Variants in CAMK2A observed in about 807,000 individuals in gnomAD.
CAMK2A encodes calcium/calmodulin-dependent protein kinase type II subunit alpha.
In CAMK2A, 7 loss-of-function variants were observed where a neutral mutation model predicts 79.2. The ratio of observed to expected loss-of-function variants is 0.09; its 90% CI spans 0.05 to 0.17. The LOEUF (loss-of-function observed/expected upper bound fraction) is 0.17. CAMK2A is among the 10% of genes least tolerant of loss of function. The pLI, the probability that CAMK2A is intolerant of heterozygous loss-of-function variation, is 1.00. For synonymous variants in CAMK2A, 242 were observed against 251.7 expected (o/e 0.96, Z 0.36); for missense variants, 214 against 646.4 (o/e 0.33, Z 7.25).
chr5:150,230,948 C>T (rs1353940973), intron 16 of CAMK2A, among the ~76,000 whole-genome samples: 1 of 152,160 alleles, frequency 6.6e-6, no homozygotes, highest in African/African-American at 2.4e-5. Context: ...GGGAACGTGC[C>T]TCCCTTCCCA....
intron 1 of CAMK2A, among the ~76,000 whole-genome samples, chr5:150,286,329 T>C (rs1757425468): frequency 6.6e-6 from 1 of 152,216 alleles, no homozygotes; most frequent in Admixed American, 6.5e-5. Flanking sequence ...CCAGTAGCCC[T>C]GCCTGGGGCC....
At chr5:150,287,088 C>A (rs73268764) in intron 1 of CAMK2A, among the ~76,000 whole-genome samples, 1 of 152,074 alleles carries the variant, frequency 6.6e-6, no homozygotes, top group African/African-American at 2.4e-5. Context: ...CTCCCTGCAC[C>A]ACTGGATGCT....
chr5:150,264,924 C>T (rs1756447343), intron 3 of CAMK2A, 32 bp downstream of exon 3: 1 of 1,594,040 alleles, frequency 6.3e-7, no homozygotes, highest in Non-Finnish European at 8.6e-7. Flanking sequence ...GGGCCTGGCT[C>T]CCCTGCGCCC....
At chr5:150,273,946 C>T (rs1045223780) in intron 1 of CAMK2A, among the ~76,000 whole-genome samples, 6 of 152,186 alleles carry the variant, frequency 3.9e-5, no homozygotes, top group African/African-American at 1.2e-4. Context: ...ATTTCCAGAA[C>T]TTATGTTATC....
intron 3 of CAMK2A, among the ~76,000 whole-genome samples, chr5:150,259,871 A>G (rs1756227585): frequency 6.6e-6 from 1 of 152,160 alleles, no homozygotes; most frequent in African/African-American, 2.4e-5. Flanking sequence ...CGGGAGGCTG[A>G]GGCAGGAGAA....
At chr5:150,251,323 G>T (rs182261581) in intron 9 of CAMK2A, among the ~76,000 whole-genome samples, 12 of 152,342 alleles carry the variant, frequency 7.9e-5, no homozygotes, top group Admixed American at 3.9e-4. Context: ...TTTCTTAGCT[G>T]TGTGATCTAG....
chr5:150,280,270 A>G (rs1757153045), intron 1 of CAMK2A, among the ~76,000 whole-genome samples: 1 of 152,112 alleles, frequency 6.6e-6, no homozygotes, highest in East Asian at 1.9e-4. Flanking sequence ...GGGGACAGCA[A>G]TCACCCAACA....
chr5:150,258,569 T>G (rs1756162758), intron 3 of CAMK2A, among the ~76,000 whole-genome samples: 1 of 152,220 alleles, frequency 6.6e-6, no homozygotes, highest in Non-Finnish European at 1.5e-5. Flanking sequence ...TTTTAAAGGA[T>G]GTATTTAAGT....
chr5:150,262,160 C>A (rs189078639), intron 3 of CAMK2A, among the ~76,000 whole-genome samples: 11 of 152,272 alleles, frequency 7.2e-5, no homozygotes, highest in Admixed American at 3.3e-4. Context: ...GCCTCACTGA[C>A]CTGGTCCCCT....
Position 150,250,763 on chromosome 5 carries a change from C to T in CAMK2A, c.741G>A (p.Leu247=). The T allele has an allele frequency of 6.2e-7, 1 of 1,614,088 alleles. No individual in the cohort carries two copies. The highest frequency in any genetic ancestry group is 8.5e-7 in the Non-Finnish European group (1 of 1,179,976). Reference sequence around the variant, plus strand: ...GGTTAATGGTCAGCATCTTATTGATCAGATCCTTGGCTTCCGGGGTGACAG... The same window carrying T: ...GGTTAATGGTCAGCATCTTATTGATTAGATCCTTGGCTTCCGGGGTGACAG... The part of the protein sequence containing the change: ...WDTVTPEAKD[L]INKMLTINPS... Residue 247 remains leucine (L), a synonymous_variant, in exon 10 of 19, where the codon CTG becomes CTA. Coordinates refer to ENST00000671881, the MANE Select transcript of CAMK2A (RefSeq NM_015981.4).
chr5:150,254,987 C>T (rs919483124), intron 6 of CAMK2A, among the ~76,000 whole-genome samples: 7 of 152,200 alleles, frequency 4.6e-5, no homozygotes, highest in Admixed American at 1.3e-4. Flanking sequence ...TCTGACCTTT[C>T]ACTGTCTAAA....
intron 15 of CAMK2A, among the ~76,000 whole-genome samples, chr5:150,232,153 A>G (rs1238049590): frequency 6.6e-6 from 1 of 152,228 alleles, no homozygotes; most frequent in East Asian, 1.9e-4. Context: ...CCAAATACAT[A>G]GTGAGCAGAA....
intron 1 of CAMK2A, among the ~76,000 whole-genome samples, chr5:150,275,317 CT>C: frequency 6.6e-6 from 1 of 152,156 alleles, no homozygotes; most frequent in Non-Finnish European, 1.5e-5. Context: ...CAGAGCACCC[CT>C]GCTTAGAAAA....
rs559980274 is a variant in CAMK2A, at chr5:150,247,750, A to C, written c.943+22T>G. On this transcript the variant is annotated intron_variant, in intron 12 of 18. Coordinates refer to ENST00000671881, the MANE Select transcript of CAMK2A (RefSeq NM_015981.4). ...CGAACTGGTGCAGGGCTTACTGGGGACCCTGAGGTCCTGCCACCTACCGGA... is the reference window on the plus strand; with the variant it reads ...CGAACTGGTGCAGGGCTTACTGGGGCCCCTGAGGTCCTGCCACCTACCGGA... The C allele has an allele frequency of 8.7e-5, 139 of 1,602,552 alleles. 2 individuals carry two copies. In the South Asian group the frequency reaches 1.5e-3, roughly 18 times the overall value.
intron 1 of CAMK2A, among the ~76,000 whole-genome samples, chr5:150,280,942 A>G (rs190829080): frequency 6.6e-6 from 1 of 152,208 alleles, no homozygotes; most frequent in African/African-American, 2.4e-5. Context: ...ACCCACTTAA[A>G]ACTGTATTAA....
At chr5:150,274,345 G>C (rs1371848239) in intron 1 of CAMK2A, among the ~76,000 whole-genome samples, 1 of 152,150 alleles carries the variant, frequency 6.6e-6, no homozygotes. Context: ...GATTTTTCAG[G>C]AAAAGCTACA....
In CAMK2A at chr5:150,225,041, G is replaced by GGAGAGAGA. The variant is rs58360121; in HGVS notation, c.1238-1832_1238-1825dup. Among the ~76,000 whole-genome samples the GGAGAGAGA allele has an allele frequency of 5.3e-3, 582 of 108,884 alleles. 1 individual carries two copies. Among genetic ancestry groups the GGAGAGAGA allele is most frequent in the African/African-American group, 0.021 (524 of 24,828 alleles). The allele number at this position is 108,884 out of a possible 152,430, so 71.4% of individuals were successfully genotyped here. On this transcript the variant is annotated intron_variant, in intron 17 of 18. Coordinates refer to ENST00000671881, the MANE Select transcript of CAMK2A (RefSeq NM_015981.4). ...GCCAGTCTCATAACCTGGTAGGTAG[G>GGAGAGAGA]GAGAGAGAGAGAGAGAGAGAGAGAG...
chr5:150,243,960 T>C (rs577758614), intron 13 of CAMK2A, among the ~76,000 whole-genome samples: 123 of 152,314 alleles, frequency 8.1e-4, no homozygotes, highest in African/African-American at 2.8e-3. Flanking sequence ...CCCCATCCGC[T>C]GCCAGAGGTG....
intron 3 of CAMK2A, among the ~76,000 whole-genome samples, chr5:150,259,126 G>T (rs923041377): frequency 3.9e-5 from 6 of 152,032 alleles, no homozygotes; most frequent in Admixed American, 3.3e-4. Context: ...TTTGCAGTGA[G>T]CCGAGATCGT....
Sources: allele counts gnomAD v4.1 joint callset (sites outside exome capture counted in the v4.1 genomes callset), GRCh38; gene constraint gnomAD v4.1.1; transcripts MANE v1.5; gene names NCBI Gene and HGNC (gene_info 2026-07-23, HGNC 2026-07-21).